The following USHBP1 variants were observed in gnomAD, a reference collection of about 807,000 sequenced individuals.
USHBP1 encodes USH1 protein network component harmonin binding protein 1.
A neutral mutation model predicts 76.2 loss-of-function variants in USHBP1; 67 were observed. The observed-to-expected ratio is 0.88, with a 90% CI of 0.72 to 1.08. The LOEUF (loss-of-function observed/expected upper bound fraction) is 1.08. Among genes scored for constraint, USHBP1 ranks in the 50% least tolerant of loss-of-function variants. The pLI, the probability that USHBP1 is intolerant of heterozygous loss-of-function variation, is 0.00. For missense variants in USHBP1, 931 were observed against 915.0 expected, an observed-to-expected ratio of 1.02 and a Z score of -0.23; for synonymous variants, 322 against 362.2, an observed-to-expected ratio of 0.89 and a Z score of 1.26.
intron 9 of USHBP1, 121 bp downstream of exon 9, chr19:17,256,350 C>T: frequency 1.4e-6 from 2 of 1,420,016 alleles, no homozygotes; most frequent in Non-Finnish European, 1.9e-6. Flanking sequence ...CTCCAATTCT[C>T]CCTTCACAAT....
Position 17,251,627 on chromosome 19 carries a change from C to G in USHBP1, c.1877G>C (p.Arg626Pro), listed in dbSNP as rs145992090. The change falls in exon 12 of 13, where the codon CGG becomes CCG. Residue 626 changes from arginine (R) to proline (P), a missense_variant. By Grantham distance (103) the Arg-to-Pro change is moderately radical (BLOSUM62 -2). Transcript: ENST00000252597. ...EQVAQKGRAR[R>P]SQSAELNRDL... ...CCTGTTCAGCTCGGCACTCTGAGAC[C>G]GTCTGGCTCGCCCCTTCTGAGCCAC... 19 of 1,613,912 alleles carry G rather than the reference C, an allele frequency of 1.2e-5. No individual in the cohort carries two copies. The highest frequency in any genetic ancestry group is 1.0e-4 in the Admixed American group (6 of 59,986).
In USHBP1 at chr19:17,258,255, C is replaced by G; in HGVS notation, c.1177G>C (p.Glu393Gln). 1 of 1,614,144 alleles carries G rather than the reference C, an allele frequency of 6.2e-7. No individual in the cohort carries two copies. Among genetic ancestry groups the G allele is most frequent in the Non-Finnish European group, 8.5e-7 (1 of 1,180,036 alleles). ...TGTGCTCCTGCATCCATGGCAGCCT[C>G]CTCTTGTGCCAGCAGCCTCCATGCT... ...KEAWRLLAQE[E>Q]AAMDAGAQQN... Residue 393 changes from glutamate to glutamine, a missense_variant, in exon 8 of 13, where the codon GAG becomes CAG. Transcript: ENST00000252597.
chr19:17,256,368 C>T (rs2073618757), intron 9 of USHBP1, 103 bp downstream of exon 9: 1 of 1,524,048 alleles, frequency 6.6e-7, no homozygotes, highest in Non-Finnish European at 8.8e-7. Flanking sequence ...AATGCCTGCA[C>T]TCAGCCCAGC....
Position 17,250,166 on chromosome 19 carries a change from G to A in USHBP1, c.*59C>T. The A allele has an allele frequency of 1.3e-6, 2 of 1,533,018 alleles. No individual in the cohort carries two copies. The highest frequency in any genetic ancestry group is 1.8e-6 in the Non-Finnish European group (2 of 1,136,162). The allele number at this position is 1,533,018 out of a possible 1,614,324, so 95.0% of individuals were successfully genotyped here. A position where few individuals can be genotyped will look rare whatever the true frequency, so the allele number is the denominator to read the frequency against. On this transcript the variant is annotated 3_prime_UTR_variant, in exon 13 of 13. Coordinates refer to ENST00000252597, the MANE Select transcript of USHBP1 (RefSeq NM_031941.4). ...TGCAACATGACATGATGTCACTCCA[G>A]GACAGTTTATGACATGCCACAGCTG...
At chr19:17,258,135 T>G in intron 8 of USHBP1, 77 bp downstream of exon 8, 69 of 1,593,310 alleles carry the variant, frequency 4.3e-5, no homozygotes, top group Non-Finnish European at 5.1e-5. Flanking sequence ...CGAAACGTGG[T>G]GAGCTCTGGG....
chr19:17,250,471 G>A (rs1045729174), intron 12 of USHBP1, 57 bp from the exon 13 acceptor site: 202 of 1,567,760 alleles, frequency 1.3e-4, no homozygotes, highest in Non-Finnish European at 1.7e-4. Flanking sequence ...CCAAGGCAAG[G>A]GCCGTGTACT....
chr19:17,251,368 T>C (rs2073549048), intron 12 of USHBP1, among the ~76,000 whole-genome samples: 1 of 152,030 alleles, frequency 6.6e-6, no homozygotes, highest in Non-Finnish European at 1.5e-5. Context: ...TTCACCACGT[T>C]GGCCAGGCTG....
rs565617366 is a variant in USHBP1 at position 17,259,525 on chromosome 19, G to A, written c.905+71C>T. The stretch of plus-strand genomic sequence containing the variant: ...TTCCCTCCCTCCTGTTGCAGCTTCA[G>A]ACTCCTGGCTTTATAACTCAGTTGG... On this transcript the variant is annotated intron_variant, in intron 6 of 12. Coordinates refer to ENST00000252597, the MANE Select transcript of USHBP1 (RefSeq NM_031941.4). 38 of 1,605,680 alleles carry A rather than the reference G, an allele frequency of 2.4e-5. No individual in the cohort carries two copies. The African/African-American group carries it at 3.8e-4, about 16-fold the overall frequency.
Position 17,255,403 on chromosome 19 carries a change from G to A in USHBP1, c.1674C>T (p.Asp558=), listed in dbSNP as rs373840446. Residue 558 remains aspartate, a synonymous_variant, in exon 10 of 13, where the codon GAC becomes GAT. Coordinates refer to ENST00000252597, the MANE Select transcript of USHBP1 (RefSeq NM_031941.4). ...AGCTCACCTGATACCACTCTTCCTC[G>A]TCCCCGCTGCTGCCACCTCCGCTGC... ...GHSSGGGSSG[D]EEEWYQGLPA... 5.1e-5 allele frequency: 82 copies of A among 1,613,740 alleles called. 1 individual carries two copies. The highest frequency in any genetic ancestry group is 2.7e-4 in the South Asian group (25 of 91,058).
At chr19:17,263,290 G>A (rs1030769157) in intron 3 of USHBP1, 6 of 234,760 alleles carry the variant, frequency 2.6e-5, no homozygotes, top group African/African-American at 6.8e-5. Context: ...CGCCCAACTC[G>A]GCCTCCCAAA....
Position 17,251,876 on chromosome 19 carries a change from C to T in USHBP1, c.1799+35G>A, listed in dbSNP as rs935685499. ...GGGGGCTCTCACATAGGCTGCCTGC[C>T]CACCCCCCGCACAGCCCAGGACCCA... On this transcript the variant is annotated intron_variant, in intron 11 of 12. Transcript: ENST00000252597. 7 of 1,518,816 alleles carry T rather than the reference C, an allele frequency of 4.6e-6. No individual in the cohort carries two copies. The African/African-American group carries it at 9.7e-5, about 21-fold the overall frequency. 94.1% of individuals were successfully genotyped at this position (1,518,816 alleles called of 1,614,324 possible).
At chr19:17,264,211 G>A (rs1263154034) in intron 2 of USHBP1, 35 bp downstream of exon 2, 1 of 1,613,480 alleles carries the variant, frequency 6.2e-7, no homozygotes, top group East Asian at 2.2e-5. Flanking sequence ...GGGGTCCCCA[G>A]GATCTGGGTG....
At chr19:17,254,622 C>T (rs1008308265) in intron 10 of USHBP1, among the ~76,000 whole-genome samples, 1 of 151,028 alleles carries the variant, frequency 6.6e-6, no homozygotes, top group Non-Finnish European at 1.5e-5. Flanking sequence ...GGCCATTGCA[C>T]TCCAGCCTGG....
At position 17,256,688 on chromosome 19, in the gene USHBP1, G is replaced by T. The variant is rs112158497; in HGVS notation, c.1253C>A (p.Pro418Gln). 6.2e-7 allele frequency: 1 copy of T among 1,614,196 alleles called. No homozygotes were observed. The highest frequency in any genetic ancestry group is 8.5e-7 in the Non-Finnish European group (1 of 1,180,048). ...PEGSSVDKPT[P>Q]QEVAFQLRSY... ...TCGGAGCTGGAAAGCCACTTCCTGT[G>T]GGGTGGGCTTATCCACACTGCTGCC... Residue 418 changes from proline (P) to glutamine (Q), a missense_variant, in exon 9 of 13, where the codon CCA (proline) becomes CAA (glutamine). Physicochemically the swap from Pro to Gln is moderately conservative, Grantham distance 76 (BLOSUM62 -1). Coordinates refer to ENST00000252597, the MANE Select transcript of USHBP1 (RefSeq NM_031941.4).
chr19:17,258,308 A>G lies in USHBP1; in HGVS notation c.1124T>C (p.Met375Thr), dbSNP rs1159315320. The G allele has an allele frequency of 6.2e-7, 1 of 1,613,938 alleles. No individual in the cohort carries two copies. The highest frequency in any genetic ancestry group is 1.3e-5 in the African/African-American group (1 of 74,910). Residue 375 changes from methionine (M) to threonine (T), a missense_variant, in exon 8 of 13, where the codon ATG becomes ACG. Coordinates refer to ENST00000252597, the MANE Select transcript of USHBP1 (RefSeq NM_031941.4). Reference protein sequence around the residue: ...ADSGAGDEAPMSDLQAAEKEA... With the variant: ...ADSGAGDEAPTSDLQAAEKEA... ...CTTTTCAGCTGCTTGCAGGTCACTC[A>G]TGGGGGCTTCGTCTCCTGCTCCTGA...
At chr19:17,253,673 AGCC>A (rs2145580553) in intron 10 of USHBP1, among the ~76,000 whole-genome samples, 1 of 149,850 alleles carries the variant, frequency 6.7e-6, no homozygotes. Flanking sequence ...CGGGCGGATC[AGCC>A]TGAGGTCAGG....
intron 3 of USHBP1, chr19:17,263,410 A>G (rs1221289581): frequency 6.2e-6 from 1 of 162,430 alleles, no homozygotes; most frequent in Non-Finnish European, 1.3e-5. Context: ...AGTTGGCAAG[A>G]GCTGCGTGTT....
chr19:17,259,261 G>T (rs1213724979), intron 7 of USHBP1, 28 bp downstream of exon 7: 2 of 1,576,110 alleles, frequency 1.3e-6, no homozygotes, highest in South Asian at 2.3e-5. Context: ...CTCCCCAGCT[G>T]GTGACATCAC....
At chr19:17,261,337 C>CTTTCTTTT (rs747378053) in intron 4 of USHBP1, among the ~76,000 whole-genome samples, 30 of 123,888 alleles carry the variant, frequency 2.4e-4, no homozygotes, top group South Asian at 5.0e-4. Context: ...TTCTTTCTTT[C>CTTTCTTTT]TTTTTTTTTT....
Sources: allele counts gnomAD v4.1 joint callset (sites outside exome capture counted in the v4.1 genomes callset), GRCh38; gene constraint gnomAD v4.1.1; transcripts MANE v1.5; gene names NCBI Gene and HGNC (gene_info 2026-07-23, HGNC 2026-07-21).